The following ZDHHC11B variants were observed in gnomAD, a reference collection of about 807,000 sequenced individuals.
ZDHHC11B encodes probable palmitoyltransferase ZDHHC11B.
Under a neutral mutation model 42.3 loss-of-function variants are expected in ZDHHC11B, and 17 were observed. The observed-to-expected ratio is 0.40, with a 90% CI of 0.27 to 0.60. The LOEUF is 0.60. Ranked by LOEUF, ZDHHC11B falls within the 20% of genes least tolerant of loss-of-function variation. The pLI is 0.41. For synonymous variants in ZDHHC11B, 123 were observed against 193.5 expected (o/e 0.64, Z 3.02); for missense variants, 262 against 463.2 (o/e 0.57, Z 3.99).
At chr5:759,430 G>T (rs1407906464) in intron 4 of ZDHHC11B, among the ~76,000 whole-genome samples, 2 of 151,936 alleles carry the variant, frequency 1.3e-5, no homozygotes, top group South Asian at 4.1e-4. Context: ...CACTGAAGGC[G>T]CCGCGCCACT....
chr5:775,509 C>T (rs1173920878), intron 1 of ZDHHC11B, among the ~76,000 whole-genome samples: 1 of 151,970 alleles, frequency 6.6e-6, no homozygotes, highest in African/African-American at 2.4e-5. Flanking sequence ...AGGCTGGGAA[C>T]ATCAGGCACG....
At chr5:776,895 G>A (rs565494216) in intron 1 of ZDHHC11B, among the ~76,000 whole-genome samples, 1 of 151,876 alleles carries the variant, frequency 6.6e-6, no homozygotes, top group Non-Finnish European at 1.5e-5. Context: ...CGGCCCTCCT[G>A]CTCCGCGGGA....
chr5:775,646 CTGG>C (rs10552814), intron 1 of ZDHHC11B, among the ~76,000 whole-genome samples: 16,191 of 146,416 alleles, frequency 0.11, 372 homozygotes, highest in African/African-American at 0.2. Flanking sequence ...AATGGGTTCC[CTGG>C]TGATTTGGAG....
In ZDHHC11B at chr5:748,747, T is replaced by C. The variant is rs1228514835; in HGVS notation, c.629-188A>G. The stretch of plus-strand genomic sequence containing the variant: ...CATGGGCCCTGCTGACTGAGGTTGG[T>C]TTTCATGATCCCTGCTTTATGGATC... On this transcript the variant is annotated intron_variant, in intron 7 of 13. Coordinates refer to ENST00000508859, the MANE Select transcript of ZDHHC11B (RefSeq NM_001351303.2). 3.9e-5 allele frequency among the ~76,000 whole-genome samples: 5 copies of C among 129,426 alleles called. No individual in the cohort carries two copies. The Admixed American group carries it at 4.4e-4, about 11-fold the overall frequency. The allele number at this position is 129,426 out of a possible 152,430, so 84.9% of individuals were successfully genotyped here.
rs576268327 is a variant in ZDHHC11B, at chr5:757,573, G to A, written c.223-1429C>T. On this transcript the variant is annotated intron_variant, in intron 4 of 13. Coordinates refer to ENST00000508859, the MANE Select transcript of ZDHHC11B (RefSeq NM_001351303.2). ...CCCTGATGAGGGTCCCGTAAGAAGC[G>A]TGCTGCAATGCATGGGAAGCCTGAG... Among the ~76,000 whole-genome samples the A allele has an allele frequency of 5.1e-4, 78 of 152,002 alleles. 1 individual carries two copies. Among genetic ancestry groups the A allele is most frequent in the African/African-American group, 1.6e-3 (65 of 41,448 alleles).
intron 4 of ZDHHC11B, among the ~76,000 whole-genome samples, chr5:764,470 C>A (rs536512188): frequency 8.6e-5 from 13 of 151,954 alleles, no homozygotes; most frequent in Non-Finnish European, 1.8e-4. Context: ...CCGGCCGGCA[C>A]TGCCGGCCCC....
chr5:777,985 C>T (rs778859470), intron 1 of ZDHHC11B, among the ~76,000 whole-genome samples: 2 of 151,894 alleles, frequency 1.3e-5, no homozygotes, highest in Admixed American at 6.6e-5. Context: ...GCGGCTGAGG[C>T]CCCGCGAGAA....
intron 9 of ZDHHC11B, among the ~76,000 whole-genome samples, chr5:743,642 T>G (rs1191046538): frequency 3.3e-5 from 5 of 149,976 alleles, no homozygotes; most frequent in African/African-American, 1.2e-4. Context: ...TTAAATTTAT[T>G]CTTTTTTCAT....
intron 12 of ZDHHC11B, among the ~76,000 whole-genome samples, chr5:721,778 T>C (rs1168321526): frequency 6.6e-6 from 1 of 151,664 alleles, no homozygotes; most frequent in Non-Finnish European, 1.5e-5. Flanking sequence ...ACTGAATAAC[T>C]AGAGCCTTTC....
intron 12 of ZDHHC11B, 62 bp from the exon 13 acceptor site, chr5:716,927 G>T (rs1741795815): frequency 6.2e-7 from 1 of 1,608,130 alleles, no homozygotes; most frequent in Admixed American, 1.7e-5. Context: ...TTGTTATACT[G>T]CCAAAGTGCA....
chr5:713,102 TTC>T (rs1435921287), intron 13 of ZDHHC11B, among the ~76,000 whole-genome samples: 5 of 151,088 alleles, frequency 3.3e-5, no homozygotes, highest in African/African-American at 1.2e-4. Context: ...CTTCCCAATT[TTC>T]TCTCTTTTCT....
At chr5:772,641 G>C (rs1448798190) in intron 1 of ZDHHC11B, among the ~76,000 whole-genome samples, 1 of 151,738 alleles carries the variant, frequency 6.6e-6, no homozygotes, top group Non-Finnish European at 1.5e-5. Context: ...CGTCACACGG[G>C]AGTGAGTCCA....
At chr5:750,314 G>A (rs372727) in intron 7 of ZDHHC11B, among the ~76,000 whole-genome samples, 17,049 of 118,392 alleles carry the variant, frequency 0.14, 3,279 homozygotes, top group African/African-American at 0.41. Flanking sequence ...ACAGTTGAGC[G>A]CGCTGCCTCC....
chr5:751,097 C>T lies in ZDHHC11B; in HGVS notation c.628+36G>A, dbSNP rs748380909. ...TACCGCCCGGAAAGACGGCTGGAGG[C>T]GAGGATGAGGCCCCTTGAGAGCGGC... On this transcript the variant is annotated intron_variant, in intron 7 of 13. Coordinates refer to ENST00000508859, the MANE Select transcript of ZDHHC11B (RefSeq NM_001351303.2). The T allele has an allele frequency of 6.8e-3, 7,394 of 1,080,578 alleles. 124 individuals carry two copies. The African/African-American group carries it at 0.11, about 17-fold the overall frequency. The allele number at this position is 1,080,578 out of a possible 1,614,324, so 66.9% of individuals were successfully genotyped here.
At chr5:757,444 C>A (rs1307635641) in intron 4 of ZDHHC11B, among the ~76,000 whole-genome samples, 13 of 151,922 alleles carry the variant, frequency 8.6e-5, no homozygotes, top group African/African-American at 3.1e-4. Flanking sequence ...TCTGGAGCCC[C>A]CTCAGGCAAC....
At chr5:724,040 C>T (rs201548048) in intron 12 of ZDHHC11B, among the ~76,000 whole-genome samples, 10,680 of 144,678 alleles carry the variant, frequency 0.074, 151 homozygotes, top group East Asian at 0.2. Context: ...CTCTCTAGCT[C>T]CTCTGCTCTG....
At position 751,503 on chromosome 5, in the gene ZDHHC11B, A is replaced by G. The variant is rs1328208257; in HGVS notation, c.504-246T>C. On this transcript the variant is annotated intron_variant, in intron 6 of 13. Transcript: ENST00000508859. Reference sequence around the variant, plus strand: ...GGCATGCAGGGCAGGTGGGGGGTGCAGAGGCAGGGGCAGGGACACGCAGGG... The same window carrying G: ...GGCATGCAGGGCAGGTGGGGGGTGCGGAGGCAGGGGCAGGGACACGCAGGG... 6.5e-3 allele frequency among the ~76,000 whole-genome samples: 132 copies of G among 20,334 alleles called. 10 individuals carry two copies. The highest frequency in any genetic ancestry group is 0.015 in the South Asian group (4 of 264). 13.3% of individuals were successfully genotyped at this position (20,334 alleles called of 152,430 possible).
At chr5:744,315 G>T (rs1247553885) in intron 9 of ZDHHC11B, among the ~76,000 whole-genome samples, 1 of 149,580 alleles carries the variant, frequency 6.7e-6, no homozygotes, top group East Asian at 2.1e-4. Context: ...TAGTGGCATT[G>T]CTGAATGAGT....
chr5:780,432 G>A (rs1316613975), intron 1 of ZDHHC11B, among the ~76,000 whole-genome samples: 7 of 151,306 alleles, frequency 4.6e-5, no homozygotes, highest in Non-Finnish European at 1.0e-4. Flanking sequence ...GGGGCTCCTC[G>A]ACGCAGTGTG....
Sources: allele counts gnomAD v4.1 joint callset (sites outside exome capture counted in the v4.1 genomes callset), GRCh38; gene constraint gnomAD v4.1.1; transcripts MANE v1.5; gene names NCBI Gene and HGNC (gene_info 2026-07-23, HGNC 2026-07-21).